PCNX1: variants seen among roughly 807,000 people sequenced by gnomAD.
PCNX1 encodes pecanex-like protein 1.
PCNX1 carries 78 observed loss-of-function variants against 242.2 expected under a neutral mutation model. The ratio of observed to expected loss-of-function variants is 0.32; its 90% CI spans 0.27 to 0.39. PCNX1 has a LOEUF of 0.39. Among genes scored for constraint, PCNX1 ranks in the 10% least tolerant of loss-of-function variants. The probability of loss-of-function intolerance (pLI) is 1.00; values close to 1 mark genes in which losing one functional copy is unlikely to be tolerated. For synonymous variants in PCNX1, 1,024 were observed against 1,032.9 expected, an observed-to-expected ratio of 0.99 and a Z score of 0.17; for missense variants, 2,581 against 2,856.5, an observed-to-expected ratio of 0.90 and a Z score of 2.20.
intron 4 of PCNX1, 116 bp from the exon 5 acceptor site, chr14:70,968,905 A>T: frequency 1.6e-6 from 1 of 643,118 alleles, no homozygotes; most frequent in Non-Finnish European, 2.8e-6. Flanking sequence ...GATACACAAA[A>T]ACTACTTTAG....
chr14:71,032,636 C>T (rs999868647), intron 16 of PCNX1, among the ~76,000 whole-genome samples: 7 of 152,152 alleles, frequency 4.6e-5, no homozygotes, highest in Non-Finnish European at 8.8e-5. Context: ...TAAAAACTGC[C>T]GTTTGGGTCC....
At chr14:71,066,158 T>G (rs1040548783) in intron 26 of PCNX1, among the ~76,000 whole-genome samples, 1 of 152,238 alleles carries the variant, frequency 6.6e-6, no homozygotes, top group Non-Finnish European at 1.5e-5. Flanking sequence ...AGAAAGTCAG[T>G]GGCAGCTTGA....
chr14:71,100,775 C>T (rs1399196459), intron 30 of PCNX1, among the ~76,000 whole-genome samples: 1 of 152,132 alleles, frequency 6.6e-6, no homozygotes, highest in South Asian at 2.1e-4. Flanking sequence ...TCCTCAAAGA[C>T]TCTCTTCATT....
At chr14:70,926,085 A>C (rs1368235318) in intron 1 of PCNX1, among the ~76,000 whole-genome samples, 1 of 152,074 alleles carries the variant, frequency 6.6e-6, no homozygotes, top group Non-Finnish European at 1.5e-5. Flanking sequence ...CTCCTTCTTG[A>C]CCAACATATT....
chr14:71,047,138 TACTGGGG>T, intron 21 of PCNX1, 33 bp downstream of exon 21: 1 of 1,275,550 alleles, frequency 7.8e-7, no homozygotes, highest in Non-Finnish European at 1.1e-6. Context: ...ATTGTCTGAC[TACTGGGG>T]GCTGTTATAA....
At chr14:70,937,903 A>G (rs1056254813) in intron 1 of PCNX1, among the ~76,000 whole-genome samples, 6 of 152,258 alleles carry the variant, frequency 3.9e-5, no homozygotes, top group African/African-American at 1.4e-4. Flanking sequence ...GCAATTGTGA[A>G]TGGGAGTTCA....
chr14:70,916,491 C>T (rs772317394), intron 1 of PCNX1, among the ~76,000 whole-genome samples: 6 of 152,010 alleles, frequency 3.9e-5, no homozygotes, highest in Admixed American at 6.5e-5. Flanking sequence ...TGCGATAAAG[C>T]GAATATTGCA....
At chr14:71,085,327 C>T (rs890750713) in intron 28 of PCNX1, among the ~76,000 whole-genome samples, 1 of 152,134 alleles carries the variant, frequency 6.6e-6, no homozygotes. Flanking sequence ...TCTTGAAGTT[C>T]ATTGAGATTC....
intron 28 of PCNX1, among the ~76,000 whole-genome samples, chr14:71,083,366 T>G (rs1490523133): frequency 1.3e-5 from 2 of 152,158 alleles, no homozygotes; most frequent in East Asian, 1.9e-4. Context: ...CTTTGTGGTG[T>G]TCTCTGTATT....
chr14:70,994,427 A>ATATATATGTATG (rs930212552), intron 7 of PCNX1, among the ~76,000 whole-genome samples: 7 of 88,712 alleles, frequency 7.9e-5, no homozygotes, highest in African/African-American at 2.9e-4. Flanking sequence ...ATATATATAT[A>ATATATATGTATG]TATGTATGTA....
intron 5 of PCNX1, among the ~76,000 whole-genome samples, chr14:70,974,064 G>T (rs1260868491): frequency 5.4e-4 from 76 of 140,540 alleles, no homozygotes; most frequent in Middle Eastern, 3.8e-3. Context: ...ATTATATGTG[G>T]TTTTTTTTTT....
At chr14:70,963,896 A>G (rs941735379) in intron 3 of PCNX1, among the ~76,000 whole-genome samples, 1 of 152,178 alleles carries the variant, frequency 6.6e-6, no homozygotes, top group East Asian at 1.9e-4. Context: ...TGTGTTCATC[A>G]CTGTATCATG....
chr14:71,105,926 T>C (rs996574829), intron 33 of PCNX1, among the ~76,000 whole-genome samples: 3 of 148,688 alleles, frequency 2.0e-5, no homozygotes, highest in African/African-American at 7.3e-5. Context: ...ATTTTATATA[T>C]TTGTATATAT....
chr14:71,005,877 A>G (rs2059642318), intron 8 of PCNX1, among the ~76,000 whole-genome samples: 1 of 150,852 alleles, frequency 6.6e-6, no homozygotes. Flanking sequence ...AACAGTCACT[A>G]TTGAGTATTC....
intron 6 of PCNX1, among the ~76,000 whole-genome samples, chr14:70,980,627 T>C (rs1233977697): frequency 1.3e-5 from 2 of 152,182 alleles, no homozygotes; most frequent in African/African-American, 2.4e-5. Context: ...GTTGGGAGTT[T>C]ACTTGGGCTT....
At chr14:71,042,086 C>T (rs955700295) in intron 19 of PCNX1, among the ~76,000 whole-genome samples, 8 of 152,042 alleles carry the variant, frequency 5.3e-5, no homozygotes, top group African/African-American at 7.2e-5. Context: ...AGACTTGTTT[C>T]GTTGCATAAC....
intron 12 of PCNX1, among the ~76,000 whole-genome samples, chr14:71,020,025 A>T (rs887669386): frequency 6.6e-6 from 1 of 151,802 alleles, no homozygotes; most frequent in African/African-American, 2.4e-5. Context: ...GAGTCAGAAC[A>T]TGCAGTGTTT....
At position 71,057,500 on chromosome 14, in the gene PCNX1, T is replaced by G. The variant is rs1281228645; in HGVS notation, c.4637-9T>G. 1 of 1,588,440 alleles carries G rather than the reference T, an allele frequency of 6.3e-7. No homozygotes were observed. Among genetic ancestry groups the G allele is most frequent in the Non-Finnish European group, 8.6e-7 (1 of 1,159,734 alleles). ...TAAATTTAACTTTTTTTAAAATCTC[T>G]TTTTATAGGATCAGATGACAACAAT... On this transcript the variant is annotated splice_polypyrimidine_tract_variant and intron_variant, in intron 25 of 35. Coordinates refer to ENST00000304743, the MANE Select transcript of PCNX1 (RefSeq NM_014982.3).
intron 30 of PCNX1, among the ~76,000 whole-genome samples, chr14:71,097,503 G>A (rs749129938): frequency 2.0e-5 from 3 of 152,138 alleles, no homozygotes; most frequent in Non-Finnish European, 4.4e-5. Flanking sequence ...ATTCTGACTG[G>A]TGTGAGATGG....
Sources: allele counts gnomAD v4.1 joint callset (sites outside exome capture counted in the v4.1 genomes callset), GRCh38; gene constraint gnomAD v4.1.1; transcripts MANE v1.5; gene names NCBI Gene and HGNC (gene_info 2026-07-23, HGNC 2026-07-21).